Variants in FOCAD observed in about 807,000 individuals in gnomAD.
FOCAD encodes the protein focadhesin.
FOCAD carries 198 observed loss-of-function variants against 225.6 expected under a neutral mutation model. That is an observed-to-expected ratio of 0.88 (90% CI 0.78 to 0.99). The LOEUF is 0.99. FOCAD is among the 50% of genes least tolerant of loss of function. The probability of loss-of-function intolerance (pLI) is 0.00; values close to 1 mark genes in which losing one functional copy is unlikely to be tolerated. For missense variants in FOCAD, 2,713 were observed against 2,123.6 expected (o/e 1.28, Z -5.46); for synonymous variants, 897 against 755.0 (o/e 1.19, Z -3.08).
chr9:20,729,461 A>T (rs1192969878), intron 4 of FOCAD, among the ~76,000 whole-genome samples: 1 of 152,168 alleles, frequency 6.6e-6, no homozygotes, highest in African/African-American at 2.4e-5. Flanking sequence ...TCATCCCAAG[A>T]TACTTAATTT....
rs1287403901 is a variant in FOCAD at position 20,789,374 on chromosome 9, T to G, written c.1221T>G (p.Pro407=). 6.2e-7 allele frequency: 1 copy of G among 1,613,834 alleles called. No homozygotes were observed. The highest frequency in any genetic ancestry group is 2.2e-5 in the East Asian group (1 of 44,894). Residue 407 remains proline, a synonymous_variant, in exon 11 of 44, where the codon CCT becomes CCG. Coordinates refer to ENST00000338382, the MANE Select transcript of FOCAD (RefSeq NM_001375567.1). The part of the protein sequence containing the change: ...HQKLSYKLVC[P]VTSMYGTIFT... ...AGCTCTCCTACAAGCTTGTGTGCCC[T>G]GTAACCAGTATGTATGGTACAATAT...
At chr9:20,895,720 C>T (rs965879754) in intron 21 of FOCAD, among the ~76,000 whole-genome samples, 1 of 151,544 alleles carries the variant, frequency 6.6e-6, no homozygotes, top group South Asian at 2.1e-4. Flanking sequence ...GTATTGTAAC[C>T]TTGTATCTTG....
chr9:20,791,661 G>C (rs2131197457), intron 11 of FOCAD, among the ~76,000 whole-genome samples: 1 of 152,300 alleles, frequency 6.6e-6, no homozygotes, highest in South Asian at 2.1e-4. Flanking sequence ...AGTAAAGAAT[G>C]CTCAGATTGG....
intron 35 of FOCAD, among the ~76,000 whole-genome samples, chr9:20,975,148 T>C (rs560472295): frequency 8.5e-5 from 13 of 152,302 alleles, no homozygotes; most frequent in African/African-American, 2.6e-4. Context: ...CTGCTCCTTT[T>C]GCTTCTCCTT....
chr9:20,707,114 G>T (rs1824452330), intron 1 of FOCAD, among the ~76,000 whole-genome samples: 1 of 152,200 alleles, frequency 6.6e-6, no homozygotes, highest in South Asian at 2.1e-4. Flanking sequence ...CAAAAGAAGA[G>T]AACAGATATT....
Position 20,753,373 on chromosome 9 carries a change from T to C in FOCAD, c.393-4717T>C, listed in dbSNP as rs1296287682. ...TATTGAGAGTTTTTAGCATGAAGGG[T>C]TGTTGAATTTTGTCAAAGGCCTTTT... On this transcript the variant is annotated intron_variant, in intron 5 of 43. Coordinates refer to ENST00000338382, the MANE Select transcript of FOCAD (RefSeq NM_001375567.1). Among the ~76,000 whole-genome samples the C allele has an allele frequency of 3.3e-5, 5 of 151,674 alleles. No individual in the cohort carries two copies. The East Asian group carries it at 9.7e-4, about 29-fold the overall frequency.
intron 15 of FOCAD, among the ~76,000 whole-genome samples, chr9:20,860,635 A>AT (rs936407995): frequency 4.6e-5 from 7 of 152,042 alleles, no homozygotes; most frequent in Non-Finnish European, 7.4e-5. Context: ...GTTTCAAGCG[A>AT]TTTTTGTGCG....
intron 10 of FOCAD, among the ~76,000 whole-genome samples, chr9:20,786,476 T>A (rs1819934715): frequency 6.6e-6 from 1 of 152,138 alleles, no homozygotes; most frequent in Non-Finnish European, 1.5e-5. Flanking sequence ...TCTTGAGGGT[T>A]TATGTAGTCC....
At chr9:20,695,405 C>G (rs1563883773) in intron 1 of FOCAD, among the ~76,000 whole-genome samples, 1 of 152,118 alleles carries the variant, frequency 6.6e-6, no homozygotes, top group Non-Finnish European at 1.5e-5. Context: ...ATTCACAAAT[C>G]AAAGTATTTA....
At chr9:20,953,088 T>C in intron 35 of FOCAD, 23 bp downstream of exon 35, 1 of 1,575,434 alleles carries the variant, frequency 6.3e-7, no homozygotes, top group African/African-American at 1.3e-5. Context: ...ATTTCTTGAA[T>C]TTTATCATTC....
At chr9:20,806,977 T>C (rs909846461) in intron 11 of FOCAD, among the ~76,000 whole-genome samples, 3 of 152,218 alleles carry the variant, frequency 2.0e-5, no homozygotes, top group African/African-American at 7.2e-5. Context: ...TCTTGTAATA[T>C]TTCAAAATAT....
At chr9:20,797,630 A>G (rs1821274123) in intron 11 of FOCAD, among the ~76,000 whole-genome samples, 1 of 152,248 alleles carries the variant, frequency 6.6e-6, no homozygotes, top group South Asian at 2.1e-4. Context: ...TTATTGATGT[A>G]TAAGAATGCT....
chr9:20,957,580 T>G (rs1046293401), intron 35 of FOCAD: 36 of 144,352 alleles, frequency 2.5e-4, no homozygotes, highest in African/African-American at 9.2e-4. Context: ...GCTCAAGTGA[T>G]TGGCCTGCCT....
chr9:20,761,801 C>G (rs1285652419), intron 6 of FOCAD, among the ~76,000 whole-genome samples: 1 of 152,104 alleles, frequency 6.6e-6, no homozygotes, highest in Non-Finnish European at 1.5e-5. Context: ...ATATAAAAGA[C>G]TTGTGTGTAG....
intron 19 of FOCAD, among the ~76,000 whole-genome samples, chr9:20,877,102 G>C (rs80119104): frequency 0.02 from 2,995 of 152,150 alleles, 90 homozygotes; most frequent in African/African-American, 0.066. Flanking sequence ...CCAGAAAATT[G>C]ACATTGGCAC....
At chr9:20,991,182 C>T (rs1841637495) in intron 42 of FOCAD, among the ~76,000 whole-genome samples, 1 of 152,088 alleles carries the variant, frequency 6.6e-6, no homozygotes, top group African/African-American at 2.4e-5. Flanking sequence ...GTTGAGGTTC[C>T]CCAGGCTACT....
At chr9:20,715,033 CTT>C (rs1172696289) in intron 1 of FOCAD, among the ~76,000 whole-genome samples, 29 of 152,204 alleles carry the variant, frequency 1.9e-4, no homozygotes, top group Admixed American at 1.3e-4. Flanking sequence ...TGTGGTTGAA[CTT>C]TTGGATGTTT....
rs375258578 is a variant in FOCAD, at chr9:20,976,530, C to T, written c.4243C>T (p.Leu1415Phe). The T allele has an allele frequency of 4.3e-6, 7 of 1,613,056 alleles. No individual in the cohort carries two copies. The highest frequency in any genetic ancestry group is 5.9e-6 in the Non-Finnish European group (7 of 1,179,194). The change falls in exon 36 of 44, where the codon CTT (leucine) becomes TTT (phenylalanine). Residue 1415 changes from leucine (L) to phenylalanine (F), a missense_variant. Transcript: ENST00000338382. Reference sequence around the variant, plus strand: ...GAACTGGGCTGCACTTCTCTCTCCACTTATGAGGCTAAATTTTGGTAAATA... The same window carrying T: ...GAACTGGGCTGCACTTCTCTCTCCATTTATGAGGCTAAATTTTGGTAAATA... ...PVNWAALLSP[L>F]MRLNFGEEIQ... is the part of the protein sequence containing the mutation.
chr9:20,709,380 G>A (rs939494098), intron 1 of FOCAD, among the ~76,000 whole-genome samples: 5 of 152,004 alleles, frequency 3.3e-5, no homozygotes, highest in Non-Finnish European at 4.4e-5. Flanking sequence ...TAGTAAAATG[G>A]CATGACAAGA....
Sources: gnomAD v4.1 joint callset for allele counts (sites outside exome capture counted in the v4.1 genomes callset) on GRCh38, gnomAD v4.1.1 for gene constraint, MANE v1.5 for transcripts, NCBI Gene and HGNC (gene_info 2026-07-23, HGNC 2026-07-21) for gene names.